The following PKD2L2 variants were observed in gnomAD, a reference collection of about 807,000 sequenced individuals.
The protein encoded by PKD2L2 is polycystin 2 like 2, transient receptor potential cation channel, also known as polycystin-2-like protein 2.
Under a neutral mutation model 83.9 loss-of-function variants are expected in PKD2L2, and 67 were observed. The observed-to-expected ratio is 0.80, with a 90% CI of 0.66 to 0.98. PKD2L2 has a LOEUF of 0.98. Ranked by LOEUF, PKD2L2 falls within the 50% of genes least tolerant of loss-of-function variation. PKD2L2 has a pLI of 0.00. For synonymous variants in PKD2L2, 223 were observed against 237.8 expected (o/e 0.94, Z 0.57); for missense variants, 632 against 717.2 (o/e 0.88, Z 1.36).
chr5:137,927,820 A>G (rs1036283873), intron 12 of PKD2L2, among the ~76,000 whole-genome samples: 4 of 152,212 alleles, frequency 2.6e-5, no homozygotes, highest in Admixed American at 1.3e-4. Context: ...TACGTTGGCC[A>G]GGCTGGTCTC....
chr5:137,907,071 A>G (rs1054922859), intron 6 of PKD2L2, among the ~76,000 whole-genome samples: 2 of 152,162 alleles, frequency 1.3e-5, no homozygotes, highest in East Asian at 3.9e-4. Flanking sequence ...GGCTTATACA[A>G]TCTGATCTTT....
intron 14 of PKD2L2, chr5:137,940,568 A>G: frequency 2.2e-6 from 1 of 446,614 alleles, no homozygotes; most frequent in East Asian, 3.9e-5. Context: ...AAATGATGCT[A>G]TACTTATAAA....
intron 2 of PKD2L2, among the ~76,000 whole-genome samples, chr5:137,891,698 T>C (rs1322051676): frequency 6.9e-6 from 1 of 144,196 alleles, no homozygotes; most frequent in African/African-American, 2.8e-5. Context: ...ATTTTTTTTC[T>C]TTTTTTTTTC....
intron 1 of PKD2L2, among the ~76,000 whole-genome samples, chr5:137,889,788 G>T (rs1402398824): frequency 6.6e-6 from 1 of 152,166 alleles, no homozygotes; most frequent in Non-Finnish European, 1.5e-5. Flanking sequence ...TCGCTAGGCC[G>T]GTCTCTAAAG....
chr5:137,931,345 G>A (rs1301156314), intron 12 of PKD2L2, among the ~76,000 whole-genome samples: 1 of 152,118 alleles, frequency 6.6e-6, no homozygotes, highest in East Asian at 1.9e-4. Context: ...CCCTGGCAAA[G>A]AGAAAAGAAA....
intron 8 of PKD2L2, among the ~76,000 whole-genome samples, chr5:137,910,178 A>G (rs1434975688): frequency 4.0e-5 from 6 of 151,440 alleles, no homozygotes; most frequent in Non-Finnish European, 8.8e-5. Context: ...GTGAGCTATG[A>G]TCACACCACT....
chr5:137,926,153 C>T (rs993207495), intron 12 of PKD2L2, among the ~76,000 whole-genome samples: 3 of 152,166 alleles, frequency 2.0e-5, no homozygotes, highest in African/African-American at 7.2e-5. Context: ...GATACGTAAT[C>T]CTACAGGTGT....
intron 8 of PKD2L2, among the ~76,000 whole-genome samples, chr5:137,918,973 T>A (rs1482175769): frequency 1.3e-5 from 2 of 150,996 alleles, no homozygotes; most frequent in East Asian, 2.0e-4. Context: ...TGTGTGAGTG[T>A]GTGTGTGTGT....
chr5:137,890,218 G>A (rs1348957951), intron 1 of PKD2L2: 2 of 271,014 alleles, frequency 7.4e-6, no homozygotes, highest in Non-Finnish European at 1.4e-5. Flanking sequence ...GGGAGGCGGA[G>A]GCTGCAGTGA....
intron 13 of PKD2L2, 57 bp downstream of exon 13, chr5:137,935,966 C>A: frequency 2.1e-6 from 2 of 960,868 alleles, no homozygotes; most frequent in Non-Finnish European, 3.3e-6. Context: ...GCATTAAGGA[C>A]ATGAGTTAAA....
chr5:137,915,934 T>C (rs1413968001), intron 8 of PKD2L2, among the ~76,000 whole-genome samples: 2 of 152,360 alleles, frequency 1.3e-5, no homozygotes, highest in East Asian at 3.9e-4. Flanking sequence ...TAGAACTTCT[T>C]GTAGGATAGA....
chr5:137,890,890 T>C (rs1351689433), intron 2 of PKD2L2, among the ~76,000 whole-genome samples: 1 of 152,214 alleles, frequency 6.6e-6, no homozygotes, highest in East Asian at 1.9e-4. Context: ...ATCCCTTGGG[T>C]TGGCAACTGC....
At chr5:137,919,867 C>T (rs1423265687) in intron 8 of PKD2L2, among the ~76,000 whole-genome samples, 3 of 152,174 alleles carry the variant, frequency 2.0e-5, no homozygotes, top group Non-Finnish European at 4.4e-5. Flanking sequence ...AAGGGACAAG[C>T]AGGCTTTCTC....
chr5:137,921,855 T>C, intron 9 of PKD2L2, 99 bp downstream of exon 9: 1 of 911,366 alleles, frequency 1.1e-6, no homozygotes, highest in Non-Finnish European at 1.7e-6. Flanking sequence ...GCTGTCAGAG[T>C]ACTTTACATT....
chr5:137,940,426 C>A, intron 14 of PKD2L2: 26 of 807,636 alleles, frequency 3.2e-5, no homozygotes, highest in Non-Finnish European at 4.7e-5. Context: ...TAATATGAGA[C>A]ATACTGTTAC....
chr5:137,936,237 A>C, intron 13 of PKD2L2, 83 bp from the exon 14 acceptor site: 2 of 1,235,798 alleles, frequency 1.6e-6, no homozygotes, highest in Non-Finnish European at 2.3e-6. Flanking sequence ...CTATCTTCCC[A>C]AAGCATTTCG....
intron 8 of PKD2L2, among the ~76,000 whole-genome samples, chr5:137,909,834 C>T (rs1309172009): frequency 2.6e-5 from 4 of 152,084 alleles, no homozygotes; most frequent in African/African-American, 9.7e-5. Context: ...CCACACCCAG[C>T]CAAAAGAAAT....
At position 137,906,226 on chromosome 5, in the gene PKD2L2, C is replaced by A. The variant is rs1027640643; in HGVS notation, c.767C>A (p.Ala256Glu). The change falls in exon 6 of 15, where the codon GCA becomes GAA. Residue 256 changes from alanine (A) to glutamate (E), a missense_variant. By Grantham distance (107) the Ala-to-Glu change is moderately radical. Transcript: ENST00000508883. Reference sequence around the variant, plus strand: ...TACAGATTGGTGGCAGAATTCCCTGCAACTGGAGGAATACTTACTTCATGG... The same window carrying A: ...TACAGATTGGTGGCAGAATTCCCTGAAACTGGAGGAATACTTACTTCATGG... Reference protein sequence around the residue: ...CIIRLVAEFPATGGILTSWQF... With the variant: ...CIIRLVAEFPETGGILTSWQF... 14 of 1,604,066 alleles carry A rather than the reference C, an allele frequency of 8.7e-6. No homozygotes were observed. The highest frequency in any genetic ancestry group is 1.2e-5 in the Non-Finnish European group (14 of 1,174,286).
chr5:137,913,828 G>C (rs190259011), intron 8 of PKD2L2, among the ~76,000 whole-genome samples: 70 of 151,266 alleles, frequency 4.6e-4, no homozygotes, highest in East Asian at 3.5e-3. Context: ...GATTAAAGGC[G>C]TGAGGAGGCA....
Sources: gnomAD v4.1 joint callset for allele counts (sites outside exome capture counted in the v4.1 genomes callset) on GRCh38, gnomAD v4.1.1 for gene constraint, MANE v1.5 for transcripts, NCBI Gene and HGNC (gene_info 2026-07-23, HGNC 2026-07-21) for gene names.